ERC2: variants seen among roughly 807,000 people sequenced by gnomAD.
ERC2 encodes the protein ERC protein 2.
Under a neutral mutation model 114.8 loss-of-function variants are expected in ERC2, and 42 were observed. The observed-to-expected ratio is 0.37, with a 90% CI of 0.29 to 0.47. ERC2 has a LOEUF of 0.47. ERC2 is among the 20% of genes least tolerant of loss of function. The probability of loss-of-function intolerance (pLI) is 0.99; values close to 1 mark genes in which losing one functional copy is unlikely to be tolerated. For synonymous variants in ERC2, 454 were observed against 425.5 expected (o/e 1.07, Z -0.82); for missense variants, 939 against 1,150.7 (o/e 0.82, Z 2.66).
chr3:56,253,088 C>G (rs182717160), intron 3 of ERC2, among the ~76,000 whole-genome samples: 2 of 152,174 alleles, frequency 1.3e-5, no homozygotes, highest in Admixed American at 1.3e-4. Flanking sequence ...CTCCAACTCT[C>G]ACACCTGTTC....
chr3:55,886,694 A>C (rs920466166), intron 14 of ERC2, among the ~76,000 whole-genome samples: 1 of 152,216 alleles, frequency 6.6e-6, no homozygotes, highest in African/African-American at 2.4e-5. Flanking sequence ...GGTGTCATTT[A>C]AATTCATACA....
chr3:56,109,577 G>C (rs749159717), intron 6 of ERC2, among the ~76,000 whole-genome samples: 1 of 152,042 alleles, frequency 6.6e-6, no homozygotes, highest in Non-Finnish European at 1.5e-5. Context: ...ACGAATTATA[G>C]TCCATGCACA....
intron 4 of ERC2, among the ~76,000 whole-genome samples, chr3:56,165,469 C>A (rs12487839): frequency 3.8e-5 from 5 of 132,420 alleles, no homozygotes; most frequent in African/African-American, 1.4e-4. Context: ...ATCCCTCCCC[C>A]CTCCCCCCTG....
Position 56,434,340 on chromosome 3 carries a change from T to A in ERC2, c.657+11A>T, listed in dbSNP as rs2061924801. Reference sequence around the variant, plus strand: ...CAAGGCTGAAAAATACTGAGATGAGTCATGACCTACCTGATTTTCTTCATG... The same window carrying A: ...CAAGGCTGAAAAATACTGAGATGAGACATGACCTACCTGATTTTCTTCATG... On this transcript the variant is annotated intron_variant, in intron 2 of 17. Transcript: ENST00000288221. 5 of 1,610,754 alleles carry A rather than the reference T, an allele frequency of 3.1e-6. No homozygotes were observed. The East Asian group carries it at 1.1e-4, about 36-fold the overall frequency.
At chr3:56,239,609 G>A (rs771791364) in intron 3 of ERC2, among the ~76,000 whole-genome samples, 3 of 152,176 alleles carry the variant, frequency 2.0e-5, no homozygotes, top group Non-Finnish European at 4.4e-5. Context: ...ATTATTACTT[G>A]GGAGCATTAA....
At chr3:56,154,704 T>A (rs1344760110) in intron 4 of ERC2, among the ~76,000 whole-genome samples, 1 of 152,186 alleles carries the variant, frequency 6.6e-6, no homozygotes, top group African/African-American at 2.4e-5. Context: ...ACATCTGACC[T>A]TTACAGAGTC....
chr3:56,436,978 G>T (rs2062049524), intron 1 of ERC2, among the ~76,000 whole-genome samples: 1 of 152,156 alleles, frequency 6.6e-6, no homozygotes, highest in African/African-American at 2.4e-5. Flanking sequence ...GGCCATTTTA[G>T]TTACATATGC....
At chr3:55,905,567 A>G (rs1028249649) in intron 13 of ERC2, among the ~76,000 whole-genome samples, 2 of 151,924 alleles carry the variant, frequency 1.3e-5, no homozygotes, top group Non-Finnish European at 2.9e-5. Context: ...AAAACCCTAC[A>G]ACAGAGCAGA....
chr3:55,878,334 T>G (rs1254146835), intron 14 of ERC2, among the ~76,000 whole-genome samples: 2 of 152,160 alleles, frequency 1.3e-5, no homozygotes, highest in East Asian at 3.9e-4. Flanking sequence ...GTGTCCCTTA[T>G]TTTGTTTTAA....
In ERC2 at chr3:56,266,030, A is replaced by AAAAATAAAATAAAAT. The variant is rs200509039; in HGVS notation, c.1074+29974_1074+29988dup. 2.5e-3 allele frequency among the ~76,000 whole-genome samples: 311 copies of AAAAATAAAATAAAAT among 122,794 alleles called. 3 individuals carry two copies. The highest frequency in any genetic ancestry group is 8.6e-3 in the African/African-American group (278 of 32,154). 80.6% of individuals were successfully genotyped at this position (122,794 alleles called of 152,430 possible). On this transcript the variant is annotated intron_variant, in intron 3 of 17. Transcript: ENST00000288221. ...GGTGACAGAGTGAGAATCCGACCAA[A>AAAAATAAAATAAAAT]AAAATAAAATAAAATAAAATAAAAT...
intron 2 of ERC2, among the ~76,000 whole-genome samples, chr3:56,416,980 TG>T (rs1388868996): frequency 6.6e-6 from 1 of 152,196 alleles, no homozygotes; most frequent in Non-Finnish European, 1.5e-5. Context: ...AGAACTTGAC[TG>T]GGGGGATCAT....
At chr3:55,561,809 A>G (rs902216994) in intron 17 of ERC2, among the ~76,000 whole-genome samples, 42 of 152,164 alleles carry the variant, frequency 2.8e-4, no homozygotes, top group African/African-American at 9.7e-4. Context: ...GTCTATTAAA[A>G]TGCAGCATCC....
intron 17 of ERC2, among the ~76,000 whole-genome samples, chr3:55,631,476 G>T (rs963999731): frequency 6.6e-6 from 1 of 152,190 alleles, no homozygotes; most frequent in Non-Finnish European, 1.5e-5. Context: ...GACACCTCCA[G>T]GTTGGCACTG....
At chr3:55,664,604 G>A (rs949364910) in intron 17 of ERC2, among the ~76,000 whole-genome samples, 1 of 152,168 alleles carries the variant, frequency 6.6e-6, no homozygotes, top group Non-Finnish European at 1.5e-5. Flanking sequence ...GGAGGTAGAA[G>A]TAATGGTTTT....
In ERC2 at chr3:55,807,498, GGGTC is replaced by G. The variant is rs553000784; in HGVS notation, c.2565-72584_2565-72581del. ...ATATAGTAAATATTTTCAGCTTTGT[GGGTC>G]ATATGAACACTGTTGCAATTACTCA... On this transcript the variant is annotated intron_variant, in intron 14 of 17. Transcript: ENST00000288221. Among the ~76,000 whole-genome samples the G allele has an allele frequency of 2.3e-3, 348 of 152,268 alleles. 1 individual carries two copies. The highest frequency in any genetic ancestry group is 8.0e-3 in the African/African-American group (333 of 41,550).
chr3:55,880,790 C>CA (rs200308050), intron 14 of ERC2, among the ~76,000 whole-genome samples: 7,023 of 124,332 alleles, frequency 0.056, 393 homozygotes, highest in African/African-American at 0.16. Context: ...AGTATTATAG[C>CA]AAAAAAAAAA....
At chr3:56,453,477 A>T (rs2062916847) in intron 1 of ERC2, among the ~76,000 whole-genome samples, 1 of 152,196 alleles carries the variant, frequency 6.6e-6, no homozygotes. Context: ...CAGCTACCAC[A>T]AACACAGTGC....
chr3:56,410,525 G>T (rs775466745), intron 2 of ERC2, among the ~76,000 whole-genome samples: 2 of 152,150 alleles, frequency 1.3e-5, no homozygotes, highest in Non-Finnish European at 2.9e-5. Flanking sequence ...GTAAAATAAC[G>T]CCAGTTTACA....
chr3:56,371,306 G>A (rs2059354734), intron 2 of ERC2, among the ~76,000 whole-genome samples: 1 of 152,132 alleles, frequency 6.6e-6, no homozygotes, highest in Non-Finnish European at 1.5e-5. Context: ...CCAACTCAGG[G>A]CCTAGAAAAG....
Sources: allele counts gnomAD v4.1 joint callset (sites outside exome capture counted in the v4.1 genomes callset), GRCh38; gene constraint gnomAD v4.1.1; transcripts MANE v1.5; gene names NCBI Gene and HGNC (gene_info 2026-07-23, HGNC 2026-07-21).